The following PARD3B variants were observed in gnomAD, a reference collection of about 807,000 sequenced individuals.
The protein encoded by PARD3B is par-3 family cell polarity regulator beta.
Under a neutral mutation model 130.2 loss-of-function variants are expected in PARD3B, and 103 were observed. The ratio of observed to expected loss-of-function variants is 0.79; its 90% confidence interval spans 0.67 to 0.93. The LOEUF is 0.93. Among genes scored for constraint, PARD3B ranks in the 40% least tolerant of loss-of-function variants. PARD3B has a pLI of 0.00. For synonymous variants in PARD3B, 583 were observed against 553.2 expected, an observed-to-expected ratio of 1.05 and a Z score of -0.76; for missense variants, 1,609 against 1,499.2, an observed-to-expected ratio of 1.07 and a Z score of -1.21.
At chr2:204,709,284 C>T (rs924247055) in intron 2 of PARD3B, among the ~76,000 whole-genome samples, 5 of 152,012 alleles carry the variant, frequency 3.3e-5, no homozygotes, top group Non-Finnish European at 4.4e-5. Context: ...AAACATTCTC[C>T]GCATGATGCA....
intron 4 of PARD3B, among the ~76,000 whole-genome samples, chr2:205,083,334 G>A (rs200686270): frequency 3.3e-4 from 46 of 140,056 alleles, no homozygotes; most frequent in Admixed American, 4.2e-4. Flanking sequence ...TTTAAGAATA[G>A]AAAAAAAAAA....
chr2:205,186,530 T>G (rs1312264549), intron 14 of PARD3B, among the ~76,000 whole-genome samples: 1 of 152,196 alleles, frequency 6.6e-6, no homozygotes, highest in Non-Finnish European at 1.5e-5. Context: ...TTAGAAACTG[T>G]GTATTTTATT....
At chr2:205,390,128 TTTC>T in intron 18 of PARD3B, among the ~76,000 whole-genome samples, 1 of 152,028 alleles carries the variant, frequency 6.6e-6, no homozygotes, top group East Asian at 1.9e-4. Flanking sequence ...ATTAATTATT[TTTC>T]TTCTTTTGTA....
intron 21 of PARD3B, among the ~76,000 whole-genome samples, chr2:205,552,282 AAG>A (rs1475305551): frequency 1.4e-5 from 2 of 141,982 alleles, no homozygotes; most frequent in African/African-American, 2.6e-5. Flanking sequence ...GGCCATTCGT[AAG>A]AGAGAGAACT....
At chr2:205,360,320 A>T (rs2044343187) in intron 18 of PARD3B, among the ~76,000 whole-genome samples, 2 of 151,754 alleles carry the variant, frequency 1.3e-5, no homozygotes, top group South Asian at 4.2e-4. Context: ...TCAGTGGTGT[A>T]CCTCATAAAG....
intron 12 of PARD3B, among the ~76,000 whole-genome samples, chr2:205,175,015 T>G (rs1304719040): frequency 6.6e-6 from 1 of 152,214 alleles, no homozygotes; most frequent in Non-Finnish European, 1.5e-5. Context: ...TTTCCCTCCC[T>G]GCTGCCAGCT....
chr2:205,281,581 G>A lies in PARD3B; in HGVS notation c.2186-18949G>A, dbSNP rs543574458. 1.6e-3 allele frequency among the ~76,000 whole-genome samples: 251 copies of A among 152,256 alleles called. 2 individuals are homozygous for A. Among genetic ancestry groups the A allele is most frequent in the African/African-American group, 5.7e-3 (235 of 41,534 alleles). On this transcript the variant is annotated intron_variant, in intron 16 of 22. Coordinates refer to ENST00000406610, the MANE Select transcript of PARD3B (RefSeq NM_001302769.2). The surrounding 1 kb of genome is among the most constrained non-coding windows in gnomAD (Gnocchi z 4.2). ...AAATCCACTTTTTTTCCTAAGTTGG[G>A]AAAATACATGCCTCACATCATAGAC...
At chr2:204,807,021 A>G (rs1301418030) in intron 2 of PARD3B, among the ~76,000 whole-genome samples, 4 of 152,184 alleles carry the variant, frequency 2.6e-5, no homozygotes, top group African/African-American at 9.6e-5. Context: ...CAATTATTGC[A>G]GAAGGCGAAG....
chr2:205,197,030 GGGGT>G (rs1388668370), intron 15 of PARD3B, among the ~76,000 whole-genome samples: 41 of 17,088 alleles, frequency 2.4e-3, no homozygotes, highest in Admixed American at 5.0e-3. Context: ...CTGTGGGGGG[GGGGT>G]GTGTGTGTGT....
chr2:205,439,112 T>A (rs1396499677), intron 19 of PARD3B, among the ~76,000 whole-genome samples: 2 of 152,208 alleles, frequency 1.3e-5, no homozygotes, highest in Admixed American at 6.5e-5. Context: ...TTTGATGTTT[T>A]GCAAAATAAA....
rs879648038 is a variant in PARD3B at position 205,294,594 on chromosome 2, G to A, written c.2186-5936G>A. Among the ~76,000 whole-genome samples, 7 of 152,130 alleles carry A rather than the reference G, an allele frequency of 4.6e-5. No individual in the cohort carries two copies. The East Asian group carries it at 7.7e-4, about 17-fold the overall frequency. ...AATTTATTTGTTCACATAATCTTCCGATATTTTCTCTGGATAGTTTCACTT... is the reference window on the plus strand; with the variant it reads ...AATTTATTTGTTCACATAATCTTCCAATATTTTCTCTGGATAGTTTCACTT... On this transcript the variant is annotated intron_variant, in intron 16 of 22. Coordinates refer to ENST00000406610, the MANE Select transcript of PARD3B (RefSeq NM_001302769.2).
chr2:205,356,528 G>C (rs1324881905), intron 18 of PARD3B, among the ~76,000 whole-genome samples: 1 of 152,034 alleles, frequency 6.6e-6, no homozygotes, highest in Non-Finnish European at 1.5e-5. Flanking sequence ...GCACCTGGCT[G>C]AGATTATTTT....
At chr2:204,782,028 A>C (rs568772506) in intron 2 of PARD3B, among the ~76,000 whole-genome samples, 8 of 152,188 alleles carry the variant, frequency 5.3e-5, no homozygotes, top group African/African-American at 1.9e-4. Context: ...AGTTTACTTG[A>C]TGAGAAACAA....
At position 205,291,091 on chromosome 2, in the gene PARD3B, C is replaced by T. The variant is rs1398420326; in HGVS notation, c.2186-9439C>T. On this transcript the variant is annotated intron_variant, in intron 16 of 22. Coordinates refer to ENST00000406610, the MANE Select transcript of PARD3B (RefSeq NM_001302769.2). This position sits in a 1 kb window ranked among gnomAD's most constrained non-coding sequence, Gnocchi z 4.6. ...AAGTAAAATGACACTATAACAAATA[C>T]CTAAAAATATGGAAACAGCTTTGAA... Among the ~76,000 whole-genome samples, 1 of 152,060 alleles carries T rather than the reference C, an allele frequency of 6.6e-6. No homozygotes were observed. Among genetic ancestry groups the T allele is most frequent in the Non-Finnish European group, 1.5e-5 (1 of 68,030 alleles).
chr2:205,151,489 T>C (rs959961101), intron 10 of PARD3B, among the ~76,000 whole-genome samples: 6 of 152,232 alleles, frequency 3.9e-5, no homozygotes, highest in African/African-American at 1.2e-4. Flanking sequence ...CCTCTTCTTG[T>C]GGAATTGATC....
chr2:205,482,615 G>C (rs1337922866), intron 20 of PARD3B: 1 of 152,558 alleles, frequency 6.6e-6, no homozygotes, highest in Non-Finnish European at 1.5e-5. Flanking sequence ...CCAGGCGGGG[G>C]TGGGGGGCAT....
chr2:204,703,636 A>G (rs2037998152), intron 2 of PARD3B, among the ~76,000 whole-genome samples: 1 of 152,150 alleles, frequency 6.6e-6, no homozygotes, highest in African/African-American at 2.4e-5. Context: ...ATATAGGTTA[A>G]AAGTTCAGAA....
At chr2:205,526,683 GAATT>G (rs1383369894) in intron 21 of PARD3B, among the ~76,000 whole-genome samples, 2 of 152,198 alleles carry the variant, frequency 1.3e-5, no homozygotes, top group South Asian at 2.1e-4. Flanking sequence ...GTAAGATGGT[GAATT>G]AATTGACATG....
chr2:204,612,926 C>T (rs1007490094), intron 1 of PARD3B, among the ~76,000 whole-genome samples: 2 of 152,054 alleles, frequency 1.3e-5, no homozygotes, highest in Non-Finnish European at 2.9e-5. Flanking sequence ...ATCCCTCATT[C>T]TCTCTTCCTA....
Sources: allele counts gnomAD v4.1 joint callset (sites outside exome capture counted in the v4.1 genomes callset), GRCh38; gene constraint gnomAD v4.1.1; non-coding constraint Gnocchi (gnomAD v3.1); transcripts MANE v1.5; gene names NCBI Gene and HGNC (gene_info 2026-07-23, HGNC 2026-07-21).